The following VLDLR variants were observed in gnomAD, a reference collection of about 807,000 sequenced individuals.
VLDLR encodes the protein very low-density lipoprotein receptor.
VLDLR carries 81 observed loss-of-function variants against 112.7 expected under a neutral mutation model. The observed-to-expected ratio is 0.72, with a 90% CI of 0.60 to 0.86. The LOEUF is 0.86. Among genes scored for constraint, VLDLR ranks in the 40% least tolerant of loss-of-function variants. VLDLR has a pLI of 0.00. For synonymous variants in VLDLR, 436 were observed against 384.8 expected, an observed-to-expected ratio of 1.13 and a Z score of -1.56; for missense variants, 1,237 against 1,099.4, an observed-to-expected ratio of 1.13 and a Z score of -1.77.
chr9:2,621,841 T>A lies in VLDLR; in HGVS notation c.-349T>A, dbSNP rs781332066. 31 of 487,626 alleles carry A rather than the reference T, an allele frequency of 6.4e-5. No homozygotes were observed. Among genetic ancestry groups the A allele is most frequent in the Non-Finnish European group, 9.5e-5 (24 of 251,482 alleles). The allele number at this position is 487,626 out of a possible 1,614,324, so 30.2% of individuals were successfully genotyped here. ...GTGCTCCGCTACCGGCTCCTCTCCG[T>A]TCTGTGCTCTCTTCTGCTCTCGGCT... On this transcript the variant is annotated 5_prime_UTR_variant, in exon 1 of 19. Transcript: ENST00000382100.
chr9:2,643,182 C>A lies in VLDLR; in HGVS notation c.471C>A (p.Asp157Glu), dbSNP rs138649440. 9.9e-6 allele frequency: 16 copies of A among 1,612,836 alleles called. No individual in the cohort carries two copies. In the African/African-American group the frequency reaches 1.9e-4, roughly 19 times the overall value. Reference sequence around the variant, plus strand: ...TAGGCAATATAACATGTAGTCCCGACGAGTTCACCTGCTCCAGTGGCCGCT... The same window carrying A: ...TAGGCAATATAACATGTAGTCCCGAAGAGTTCACCTGCTCCAGTGGCCGCT... ...ENCGNITCSPDEFTCSSGRCI... is the reference protein window; with the variant it reads ...ENCGNITCSPEEFTCSSGRCI... The change falls in exon 5 of 19, where the codon GAC becomes GAA. Residue 157 changes from aspartate (D) to glutamate (E), a missense_variant. By Grantham distance (45) the Asp-to-Glu change is conservative. Transcript: ENST00000382100.
rs1389106423 is a variant in VLDLR at position 2,656,501 on chromosome 9, A to G, written c.*2633A>G. ...TAAACTACTAGTCAATACAGCTTGC[A>G]ATAATAGTGCATGAATGATAACAGG... On this transcript the variant is annotated 3_prime_UTR_variant, in exon 19 of 19. Coordinates refer to ENST00000382100, the MANE Select transcript of VLDLR (RefSeq NM_003383.5). 6.6e-6 allele frequency: 1 copy of G among 152,214 alleles called. No homozygotes were observed. Among genetic ancestry groups the G allele is most frequent in the Non-Finnish European group, 1.5e-5 (1 of 68,040 alleles). The allele number at this position is 152,214 out of a possible 1,614,324, so 9.4% of individuals were successfully genotyped here.
At chr9:2,651,287 C>A in intron 15 of VLDLR, 128 bp from the exon 16 acceptor site, 1 of 738,712 alleles carries the variant, frequency 1.4e-6, no homozygotes, top group Admixed American at 2.2e-5. Flanking sequence ...AGCTGTACAA[C>A]TTAGTTCAGC....
intron 1 of VLDLR, among the ~76,000 whole-genome samples, chr9:2,623,448 C>T (rs988664668): frequency 9.8e-5 from 13 of 133,024 alleles, no homozygotes; most frequent in African/African-American, 3.0e-4. Flanking sequence ...CCCTGGCTCC[C>T]GTCGCCGGGT....
intron 1 of VLDLR, among the ~76,000 whole-genome samples, chr9:2,623,845 G>A (rs1816954047): frequency 6.6e-6 from 1 of 152,170 alleles, no homozygotes; most frequent in Non-Finnish European, 1.5e-5. Flanking sequence ...ACAAGCCTGA[G>A]AGCCTAGAAA....
chr9:2,647,648 T>G, intron 12 of VLDLR, 56 bp downstream of exon 12: 1 of 1,454,232 alleles, frequency 6.9e-7, no homozygotes, highest in Non-Finnish European at 9.7e-7. Flanking sequence ...AGTGTTTCCA[T>G]TTATCTCCAT....
rs774550935 is a variant in VLDLR, at chr9:2,652,949, A to G, written c.2586A>G (p.Ala862=). ...CTTCTGTTGGACACACGTACCCAGCAGTAAGTCAGCTTTGTGTCTTTATAC... is the reference window on the plus strand; with the variant it reads ...CTTCTGTTGGACACACGTACCCAGCGGTAAGTCAGCTTTGTGTCTTTATAC... ...HSASVGHTYP[A]ISVVSTDDDL... is the part of the protein sequence containing the mutation. Residue 862 remains alanine (A), a splice_region_variant and synonymous_variant, in exon 18 of 19, where the codon GCA becomes GCG. Coordinates refer to ENST00000382100, the MANE Select transcript of VLDLR (RefSeq NM_003383.5). 2.5e-6 allele frequency: 4 copies of G among 1,614,044 alleles called. No homozygotes were observed. The highest frequency in any genetic ancestry group is 1.7e-6 in the Non-Finnish European group (2 of 1,179,922).
intron 2 of VLDLR, 119 bp downstream of exon 2, chr9:2,635,691 A>G (rs1351827979): frequency 2.9e-5 from 43 of 1,477,230 alleles, no homozygotes; most frequent in Non-Finnish European, 3.7e-5. Context: ...GAAAGAATCT[A>G]TACTTCTCTG....
At position 2,651,398 on chromosome 9, in the gene VLDLR, T is replaced by G; in HGVS notation, c.2252-17T>G. 6.2e-7 allele frequency: 1 copy of G among 1,611,558 alleles called. No homozygotes were observed. Among genetic ancestry groups the G allele is most frequent in the Non-Finnish European group, 8.5e-7 (1 of 1,177,914 alleles). On this transcript the variant is annotated splice_polypyrimidine_tract_variant and intron_variant, in intron 15 of 18. Coordinates refer to ENST00000382100, the MANE Select transcript of VLDLR (RefSeq NM_003383.5). ...GGAACCCTGGCATTAACCAGGTTCT[T>G]GGTTTTTATAATTCAGGTACTGCAA...
intron 1 of VLDLR, among the ~76,000 whole-genome samples, chr9:2,631,287 C>A (rs1184742016): frequency 6.6e-6 from 1 of 152,184 alleles, no homozygotes; most frequent in Non-Finnish European, 1.5e-5. Context: ...CTGGAATTAA[C>A]ATTTGATCCA....
intron 1 of VLDLR, among the ~76,000 whole-genome samples, chr9:2,627,883 T>C (rs1817165441): frequency 6.7e-6 from 1 of 148,328 alleles, no homozygotes; most frequent in African/African-American, 2.5e-5. Context: ...AAAAAAAAAA[T>C]TGCTACAAAG....
chr9:2,644,173 T>C (rs1451069797), intron 7 of VLDLR, among the ~76,000 whole-genome samples: 1 of 146,348 alleles, frequency 6.8e-6, no homozygotes, highest in Admixed American at 6.7e-5. Context: ...TTTTTTTTTT[T>C]TTGAGATGGA....
chr9:2,621,884 T>TCCCTCCTCTCCCCTTGCCTC lies in VLDLR; in HGVS notation c.-296_-277dup, dbSNP rs539873248. The TCCCTCCTCTCCCCTTGCCTC allele has an allele frequency of 1.4e-3, 837 of 597,922 alleles. 12 individuals carry two copies. The highest frequency in any genetic ancestry group is 9.3e-3 in the South Asian group (605 of 64,962). 37.0% of individuals were successfully genotyped at this position (597,922 alleles called of 1,614,324 possible). Reference sequence around the variant, plus strand: ...TCTCGGCTCCCCACCCCCTCTCCCTTCCCTCCTCTCCCCTTGCCTCCCCTC... The same window carrying TCCCTCCTCTCCCCTTGCCTC: ...TCTCGGCTCCCCACCCCCTCTCCCTTCCCTCCTCTCCCCTTGCCTCCCCTCCTCTCCCCTTGCCTCCCCTC... On this transcript the variant is annotated 5_prime_UTR_variant, in exon 1 of 19. Transcript: ENST00000382100.
intron 2 of VLDLR, among the ~76,000 whole-genome samples, chr9:2,639,284 G>C (rs945469209): frequency 2.6e-5 from 4 of 152,214 alleles, no homozygotes; most frequent in African/African-American, 9.6e-5. Flanking sequence ...CAAAGAGAGA[G>C]AGAGTAAGCG....
intron 2 of VLDLR, among the ~76,000 whole-genome samples, chr9:2,637,534 C>T (rs1357765082): frequency 1.3e-5 from 2 of 152,214 alleles, no homozygotes. Flanking sequence ...CCAGTCTATG[C>T]TCCAAATGAA....
In VLDLR at chr9:2,646,359, A is replaced by G. The variant is rs1818069735; in HGVS notation, c.1510A>G (p.Arg504Gly). The G allele has an allele frequency of 6.2e-7, 1 of 1,614,044 alleles. No homozygotes were observed. The highest frequency in any genetic ancestry group is 1.3e-5 in the African/African-American group (1 of 74,934). Residue 504 changes from arginine (R) to glycine (G), a missense_variant, in exon 11 of 19, where the codon AGA becomes GGA. By Grantham distance (125) the Arg-to-Gly change is moderately radical (BLOSUM62 -2). Coordinates refer to ENST00000382100, the MANE Select transcript of VLDLR (RefSeq NM_003383.5). ...FSASIDDKVG[R>G]HVKMIDNVYN... ...TGCCTCAATTGATGACAAGGTTGGT[A>G]GACATGTTAAAATGATCGACAATGT...
In VLDLR at chr9:2,655,920, C is replaced by G. The variant is rs1207781603; in HGVS notation, c.*2052C>G. 2 of 151,750 alleles carry G rather than the reference C, an allele frequency of 1.3e-5. No homozygotes were observed. The highest frequency in any genetic ancestry group is 4.9e-5 in the African/African-American group (2 of 41,216). 9.4% of individuals were successfully genotyped at this position (151,750 alleles called of 1,614,324 possible). On this transcript the variant is annotated 3_prime_UTR_variant, in exon 19 of 19. Coordinates refer to ENST00000382100, the MANE Select transcript of VLDLR (RefSeq NM_003383.5). ...AAGCCATTTCAGAGTTTGGCTGCTG[C>G]TCTGACCCTGCTGTGGTACAAAAAA...
At chr9:2,630,103 T>C (rs952662232) in intron 1 of VLDLR, among the ~76,000 whole-genome samples, 2 of 152,164 alleles carry the variant, frequency 1.3e-5, no homozygotes, top group African/African-American at 4.8e-5. Context: ...CCAAACTGGT[T>C]CTTACAATGT....
rs1346814736 is a variant in VLDLR, at chr9:2,643,895, C to G, written c.1002C>G (p.Ile334Met). The stretch of plus-strand genomic sequence containing the variant: ...GCAGAAGTGGAGAATGCATAGATAT[C>G]AGCAAAGTATGTAACCAGGAGCAGG... ...FKCRSGECID[I>M]SKVCNQEQDC... Residue 334 changes from isoleucine to methionine, a missense_variant, in exon 7 of 19, where the codon ATC (isoleucine) becomes ATG (methionine). Transcript: ENST00000382100. The G allele has an allele frequency of 6.2e-7, 1 of 1,614,122 alleles. No homozygotes were observed. The highest frequency in any genetic ancestry group is 8.5e-7 in the Non-Finnish European group (1 of 1,180,022).
Sources: allele counts gnomAD v4.1 joint callset (sites outside exome capture counted in the v4.1 genomes callset), GRCh38; gene constraint gnomAD v4.1.1; transcripts MANE v1.5; gene names NCBI Gene and HGNC (gene_info 2026-07-23, HGNC 2026-07-21).